The following EPHA6 variants were observed in gnomAD, a reference collection of about 807,000 sequenced individuals.
EPHA6 encodes ephrin type-A receptor 6.
A neutral mutation model predicts 112.0 loss-of-function variants in EPHA6; 50 were observed. The ratio of observed to expected loss-of-function variants is 0.45; its 90% CI spans 0.36 to 0.56. The LOEUF (loss-of-function observed/expected upper bound fraction) is 0.56, where lower values mean the gene tolerates loss of function less well. EPHA6 is among the 20% of genes least tolerant of loss of function. EPHA6 has a pLI of 0.00. For synonymous variants in EPHA6, 529 were observed against 490.7 expected (o/e 1.08, Z -1.03); for missense variants, 1,280 against 1,417.4 (o/e 0.90, Z 1.56).
chr3:97,336,342 C>T (rs982117411), intron 5 of EPHA6, among the ~76,000 whole-genome samples: 4 of 152,132 alleles, frequency 2.6e-5, no homozygotes, highest in Admixed American at 6.6e-5. Flanking sequence ...GGTCAGATCT[C>T]TTTCACTGTA....
At position 97,559,648 on chromosome 3, in the gene EPHA6, A is replaced by G. The variant is rs1437923544; in HGVS notation, c.2386+27105A>G. 4 of 455,426 alleles carry G rather than the reference A, an allele frequency of 8.8e-6. No individual in the cohort carries two copies. In the Admixed American group the frequency reaches 9.4e-5, roughly 11 times the overall value. 28.2% of individuals were successfully genotyped at this position (455,426 alleles called of 1,614,324 possible). A position where few individuals can be genotyped will look rare whatever the true frequency, so the allele number is the denominator to read the frequency against. ...GCAAAAGGGGAAGCAGGCTTTCTAAAGAAGTAAATCAAGGTACCTGAAAAG... is the reference window on the plus strand; with the variant it reads ...GCAAAAGGGGAAGCAGGCTTTCTAAGGAAGTAAATCAAGGTACCTGAAAAG... On this transcript the variant is annotated intron_variant, in intron 11 of 17. Coordinates refer to ENST00000389672, the MANE Select transcript of EPHA6 (RefSeq NM_001080448.3).
chr3:96,820,370 A>G (rs957976412), intron 1 of EPHA6, among the ~76,000 whole-genome samples: 2 of 152,072 alleles, frequency 1.3e-5, no homozygotes, highest in Non-Finnish European at 2.9e-5. Context: ...TTGGGAGATG[A>G]CAAGAGTAGA....
intron 5 of EPHA6, among the ~76,000 whole-genome samples, chr3:97,362,198 A>C (rs1178143494): frequency 6.6e-6 from 1 of 152,088 alleles, no homozygotes; most frequent in Non-Finnish European, 1.5e-5. Context: ...TCTGTTTCTC[A>C]TTTTCACAGA....
At chr3:97,553,931 G>GTTT (rs1302693812) in intron 11 of EPHA6, among the ~76,000 whole-genome samples, 1 of 152,074 alleles carries the variant, frequency 6.6e-6, no homozygotes, top group Admixed American at 6.6e-5. Context: ...CTATTTCTGT[G>GTTT]TTTGTATGCA....
chr3:97,238,706 C>T (rs1258355904), intron 4 of EPHA6, among the ~76,000 whole-genome samples: 6 of 151,686 alleles, frequency 4.0e-5, no homozygotes, highest in Non-Finnish European at 7.4e-5. Flanking sequence ...TTCTGACAGA[C>T]GATAGCAAGG....
At chr3:96,968,046 A>G (rs1023335593) in intron 2 of EPHA6, among the ~76,000 whole-genome samples, 7 of 151,564 alleles carry the variant, frequency 4.6e-5, no homozygotes, top group Non-Finnish European at 1.0e-4. Flanking sequence ...TCTTCTCTTT[A>G]TGACTCATTC....
intron 11 of EPHA6, among the ~76,000 whole-genome samples, chr3:97,589,672 G>T (rs2107333381): frequency 6.6e-6 from 1 of 152,164 alleles, no homozygotes; most frequent in East Asian, 1.9e-4. Context: ...ACTGCACTAA[G>T]GAGAGAATCG....
chr3:97,467,738 C>A (rs982871371), intron 7 of EPHA6, among the ~76,000 whole-genome samples: 5 of 151,722 alleles, frequency 3.3e-5, no homozygotes, highest in African/African-American at 1.2e-4. Context: ...ACATCTTTGA[C>A]ATTTAGGATG....
rs2088629697 is a variant in EPHA6 at position 97,421,546 on chromosome 3, TCAATTTTACCC to T, written c.1731+16276_1731+16286del. ...ATAAGAAAAGCTTATCATAGAAAGATCAATTTTACCCCAAATGATGTGCAGCTTTAATGTCT... is the reference window on the plus strand; with the variant it reads ...ATAAGAAAAGCTTATCATAGAAAGATCAAATGATGTGCAGCTTTAATGTCT... On this transcript the variant is annotated intron_variant, in intron 6 of 17. Transcript: ENST00000389672. Among the ~76,000 whole-genome samples, 7 of 152,216 alleles carry T rather than the reference TCAATTTTACCC, an allele frequency of 4.6e-5. No homozygotes were observed. In the South Asian group the frequency reaches 1.2e-3, roughly 27 times the overall value.
At chr3:97,098,973 A>G (rs552281386) in intron 3 of EPHA6, among the ~76,000 whole-genome samples, 7 of 152,056 alleles carry the variant, frequency 4.6e-5, no homozygotes, top group East Asian at 3.9e-4. Context: ...ATGAGATTCT[A>G]TGCAATTAAG....
At chr3:96,989,837 A>G (rs2043152635) in intron 3 of EPHA6, among the ~76,000 whole-genome samples, 1 of 152,130 alleles carries the variant, frequency 6.6e-6, no homozygotes, top group African/African-American at 2.4e-5. Context: ...ATCACTTCCC[A>G]CCAGGCCCCT....
chr3:97,596,514 C>T (rs1043409291), intron 12 of EPHA6, among the ~76,000 whole-genome samples: 2 of 151,844 alleles, frequency 1.3e-5, no homozygotes, highest in Admixed American at 6.6e-5. Context: ...CATGAATTCA[C>T]TTTCTCTGTC....
At chr3:96,863,639 C>A (rs1200549845) in intron 1 of EPHA6, among the ~76,000 whole-genome samples, 2 of 151,900 alleles carry the variant, frequency 1.3e-5, no homozygotes, top group Non-Finnish European at 2.9e-5. Flanking sequence ...ATAATAGGTA[C>A]ATACATATTT....
At chr3:97,664,530 T>G (rs1250396623) in intron 14 of EPHA6, among the ~76,000 whole-genome samples, 1 of 152,162 alleles carries the variant, frequency 6.6e-6, no homozygotes, top group East Asian at 1.9e-4. Flanking sequence ...GAAGTCAGAT[T>G]GTCCCTGTTT....
chr3:97,616,342 C>T (rs2093765940), intron 13 of EPHA6, among the ~76,000 whole-genome samples: 1 of 152,162 alleles, frequency 6.6e-6, no homozygotes, highest in South Asian at 2.1e-4. Context: ...TGCAAGAACA[C>T]TGAAAACTCA....
chr3:97,117,725 A>T (rs1374278612), intron 3 of EPHA6, among the ~76,000 whole-genome samples: 1 of 151,674 alleles, frequency 6.6e-6, no homozygotes, highest in Non-Finnish European at 1.5e-5. Flanking sequence ...TTTATCTTTG[A>T]ATCAAGATTG....
At chr3:97,579,140 CA>C (rs2093414925) in intron 11 of EPHA6, among the ~76,000 whole-genome samples, 1 of 152,176 alleles carries the variant, frequency 6.6e-6, no homozygotes, top group Admixed American at 6.5e-5. Context: ...TCTCCAAACT[CA>C]AGGTTTGTGA....
intron 1 of EPHA6, among the ~76,000 whole-genome samples, chr3:96,846,440 A>G (rs941031729): frequency 3.9e-5 from 6 of 152,100 alleles, no homozygotes; most frequent in Non-Finnish European, 7.4e-5. Context: ...CAGATATCCC[A>G]AATAACACTA....
chr3:97,030,991 G>GAGGTCATCCTTATTATA (rs2044812513), intron 3 of EPHA6, among the ~76,000 whole-genome samples: 1 of 151,976 alleles, frequency 6.6e-6, no homozygotes. Context: ...TCATAATTAT[G>GAGGTCATCCTTATTATA]AGGTCATCCT....
Sources: allele counts gnomAD v4.1 joint callset (sites outside exome capture counted in the v4.1 genomes callset), GRCh38; gene constraint gnomAD v4.1.1; transcripts MANE v1.5; gene names NCBI Gene and HGNC (gene_info 2026-07-23, HGNC 2026-07-21).